PDE4D: variants seen among roughly 807,000 people sequenced by gnomAD.
PDE4D encodes phosphodiesterase 4D, also known as 3',5'-cyclic-AMP phosphodiesterase 4D.
In PDE4D, 24 loss-of-function variants were observed where a neutral mutation model predicts 87.4. The ratio of observed to expected loss-of-function variants is 0.27; its 90% CI spans 0.20 to 0.39. The LOEUF (loss-of-function observed/expected upper bound fraction) is 0.39. Among genes scored for constraint, PDE4D ranks in the 10% least tolerant of loss-of-function variants. The pLI, the probability that PDE4D is intolerant of heterozygous loss-of-function variation, is 1.00. For synonymous variants in PDE4D, 384 were observed against 383.2 expected (o/e 1.00, Z -0.02); for missense variants, 714 against 1,041.0 (o/e 0.69, Z 4.32).
chr5:60,384,061 C>T (rs1195220698), intron 1 of PDE4D, among the ~76,000 whole-genome samples: 1 of 152,132 alleles, frequency 6.6e-6, no homozygotes, highest in Non-Finnish European at 1.5e-5. Flanking sequence ...TTCAAAGGGG[C>T]ATCAGCTATG....
chr5:59,282,036 G>T (rs529980225), intron 1 of PDE4D, among the ~76,000 whole-genome samples: 2 of 152,136 alleles, frequency 1.3e-5, no homozygotes, highest in Non-Finnish European at 2.9e-5. Flanking sequence ...CCAACATCTG[G>T]TGTGTGTTTT....
intron 11 of PDE4D, among the ~76,000 whole-genome samples, chr5:58,985,441 C>A (rs1746180343): frequency 6.6e-6 from 1 of 152,112 alleles, no homozygotes; most frequent in Non-Finnish European, 1.5e-5. Flanking sequence ...AAAGCTAAAA[C>A]AACTGAAATA....
chr5:59,551,563 G>A (rs1464435151), intron 1 of PDE4D, among the ~76,000 whole-genome samples: 1 of 151,248 alleles, frequency 6.6e-6, no homozygotes, highest in Non-Finnish European at 1.5e-5. Context: ...TTCTTCATTT[G>A]AGCCACCGTC....
At chr5:59,220,377 CAAAAAAAA>C (rs57610513) in intron 1 of PDE4D, among the ~76,000 whole-genome samples, 3 of 36,156 alleles carry the variant, frequency 8.3e-5, no homozygotes, top group African/African-American at 1.3e-4. Flanking sequence ...GACTCTGTCT[CAAAAAAAA>C]AAAAAAAAAA....
At chr5:60,251,717 C>A (rs1748484828) in intron 1 of PDE4D, among the ~76,000 whole-genome samples, 1 of 151,630 alleles carries the variant, frequency 6.6e-6, no homozygotes, top group Non-Finnish European at 1.5e-5. Context: ...ATTTATATTC[C>A]TTTGGGTATA....
intron 1 of PDE4D, among the ~76,000 whole-genome samples, chr5:59,771,382 T>C (rs1763418197): frequency 7.1e-6 from 1 of 141,316 alleles, no homozygotes; most frequent in Non-Finnish European, 1.5e-5. Context: ...AAAAATGATA[T>C]GGGCGACAGA....
chr5:59,574,027 T>TA (rs1182960099), intron 1 of PDE4D, among the ~76,000 whole-genome samples: 2 of 120,186 alleles, frequency 1.7e-5, no homozygotes, highest in African/African-American at 6.9e-5. Context: ...TATATATATA[T>TA]AAAAATATAT....
intron 6 of PDE4D, among the ~76,000 whole-genome samples, chr5:59,034,166 T>C (rs766933283): frequency 2.0e-5 from 3 of 152,210 alleles, no homozygotes; most frequent in Non-Finnish European, 2.9e-5. Flanking sequence ...GTAAGCTACA[T>C]AAATCTTTCC....
chr5:59,853,467 C>T (rs939612344), intron 1 of PDE4D, among the ~76,000 whole-genome samples: 1 of 151,920 alleles, frequency 6.6e-6, no homozygotes, highest in African/African-American at 2.4e-5. Flanking sequence ...CCATAATCCC[C>T]ATATTTAGAG....
intron 2 of PDE4D, among the ~76,000 whole-genome samples, chr5:60,126,153 G>C (rs541161810): frequency 6.7e-6 from 1 of 150,266 alleles, no homozygotes; most frequent in Non-Finnish European, 1.5e-5. Context: ...CATTTGACTC[G>C]AATAGTGAAT....
At chr5:60,401,708 C>G (rs1030103455) in intron 1 of PDE4D, among the ~76,000 whole-genome samples, 1 of 152,172 alleles carries the variant, frequency 6.6e-6, no homozygotes, top group Non-Finnish European at 1.5e-5. Flanking sequence ...AGGCACTTCC[C>G]AGGAAACTCC....
intron 1 of PDE4D, among the ~76,000 whole-genome samples, chr5:60,268,006 A>C (rs1254395336): frequency 6.6e-6 from 1 of 152,154 alleles, no homozygotes; most frequent in Non-Finnish European, 1.5e-5. Flanking sequence ...GAAAGAACAA[A>C]ATCACTTAAA....
Position 60,002,395 on chromosome 5 carries a change from G to A in PDE4D, c.43-13678C>T, listed in dbSNP as rs80040223. On this transcript the variant is annotated intron_variant, in intron 2 of 16. Coordinates refer to the PDE4D transcript ENST00000502484. ...ACTCTTCCAAAAAAAGTGAAGAGAA[G>A]GGAACACTTCCAAATTCATTTTATG... 0.016 allele frequency among the ~76,000 whole-genome samples: 2,373 copies of A among 152,202 alleles called. 121 individuals carry two copies. In the East Asian group the frequency reaches 0.17, roughly 11 times the overall value.
chr5:59,883,079 T>C (rs1561812401), intron 1 of PDE4D, among the ~76,000 whole-genome samples: 1 of 152,164 alleles, frequency 6.6e-6, no homozygotes, highest in Non-Finnish European at 1.5e-5. Context: ...ATGCCCAGCC[T>C]CTCTTATTCC....
chr5:59,917,554 AAT>A (rs1490963788), intron 3 of PDE4D, among the ~76,000 whole-genome samples: 2 of 152,196 alleles, frequency 1.3e-5, no homozygotes, highest in Non-Finnish European at 2.9e-5. Context: ...TATAACCTAT[AAT>A]ATATCAATTA....
intron 6 of PDE4D, among the ~76,000 whole-genome samples, chr5:59,008,840 T>A (rs1752196525): frequency 6.6e-6 from 1 of 152,064 alleles, no homozygotes; most frequent in East Asian, 1.9e-4. Context: ...AAAGGACTTG[T>A]ATCCAGAAAT....
chr5:60,423,636 T>C (rs1158058333), intron 1 of PDE4D, among the ~76,000 whole-genome samples: 1 of 151,842 alleles, frequency 6.6e-6, no homozygotes, highest in East Asian at 1.9e-4. Context: ...TTAAAAGAAC[T>C]AGAGAAGCAA....
chr5:59,097,318 C>T (rs928772102), intron 5 of PDE4D, among the ~76,000 whole-genome samples: 3 of 152,176 alleles, frequency 2.0e-5, no homozygotes, highest in African/African-American at 4.8e-5. Context: ...GCCACAGCAA[C>T]GTTTGTCTTC....
intron 1 of PDE4D, among the ~76,000 whole-genome samples, chr5:59,508,740 T>A (rs1809737318): frequency 6.6e-6 from 1 of 151,968 alleles, no homozygotes; most frequent in Admixed American, 6.6e-5. Context: ...AACACACATA[T>A]TTAGAATAAA....
Sources: gnomAD v4.1 joint callset for allele counts (sites outside exome capture counted in the v4.1 genomes callset) on GRCh38, gnomAD v4.1.1 for gene constraint, MANE v1.5 for transcripts, NCBI Gene and HGNC (gene_info 2026-07-23, HGNC 2026-07-21) for gene names.